CLEC3B: variants seen among roughly 807,000 people sequenced by gnomAD.
CLEC3B encodes the protein C-type lectin domain family 3 member B.
In CLEC3B, 13 loss-of-function variants were observed where a neutral mutation model predicts 15.4. That is an observed-to-expected ratio of 0.84 (90% CI 0.55 to 1.34). CLEC3B has a LOEUF of 1.34. Ranked by LOEUF, CLEC3B falls within the 40% of genes most tolerant of loss-of-function variation. CLEC3B has a pLI of 0.00. For synonymous variants in CLEC3B, 112 were observed against 114.7 expected, an observed-to-expected ratio of 0.98 and a Z score of 0.15; for missense variants, 242 against 268.6, an observed-to-expected ratio of 0.90 and a Z score of 0.69.
chr3:45,033,748 A>G (rs1394694171), intron 2 of CLEC3B, among the ~76,000 whole-genome samples: 1 of 152,228 alleles, frequency 6.6e-6, no homozygotes, highest in East Asian at 1.9e-4. Context: ...GTTGGCAGCA[A>G]TGATAGTATC....
chr3:45,029,500 T>G (rs1260747513), intron 1 of CLEC3B, among the ~76,000 whole-genome samples: 2 of 152,128 alleles, frequency 1.3e-5, no homozygotes, highest in Admixed American at 1.3e-4. Context: ...AGCCCCAAAC[T>G]CTCCCTTTTT....
intron 2 of CLEC3B, among the ~76,000 whole-genome samples, chr3:45,033,979 A>AG (rs60765920): frequency 0.5 from 76,247 of 151,990 alleles, 20,141 homozygotes; most frequent in East Asian, 0.87. Flanking sequence ...AGCTGACTTC[A>AG]GGAGCCCTGA....
At chr3:45,029,540 C>A (rs1697527070) in intron 1 of CLEC3B, among the ~76,000 whole-genome samples, 1 of 152,186 alleles carries the variant, frequency 6.6e-6, no homozygotes, top group African/African-American at 2.4e-5. Context: ...GTTTTTGCTC[C>A]AGTTTGGTAA....
rs1489986018 is a variant in CLEC3B at position 45,035,962 on chromosome 3, C to T, written c.*38C>T. On this transcript the variant is annotated 3_prime_UTR_variant, in exon 3 of 3. Transcript: ENST00000296130. ...GGGCCGTGGGGGGCCTGGAGGAGGG[C>T]AGGGGCCGCGGGAGGCCGGGAGGAG... 1 of 1,517,430 alleles carries T rather than the reference C, an allele frequency of 6.6e-7. No individual in the cohort carries two copies. The highest frequency in any genetic ancestry group is 8.8e-7 in the Non-Finnish European group (1 of 1,130,814). The allele number at this position is 1,517,430 out of a possible 1,614,324, so 94.0% of individuals were successfully genotyped here. A position where few individuals can be genotyped will look rare whatever the true frequency, so the allele number is the denominator to read the frequency against.
chr3:45,027,386 A>G (rs897418976), intron 1 of CLEC3B, among the ~76,000 whole-genome samples: 1 of 152,224 alleles, frequency 6.6e-6, no homozygotes, highest in Non-Finnish European at 1.5e-5. Context: ...ATAAAGGGAC[A>G]TCGGGGCCAT....
intron 1 of CLEC3B, among the ~76,000 whole-genome samples, chr3:45,027,870 C>T (rs1007485706): frequency 1.3e-5 from 2 of 152,104 alleles, no homozygotes; most frequent in Non-Finnish European, 2.9e-5. Context: ...AAAACCATCG[C>T]CAGCTTCTCA....
intron 2 of CLEC3B, among the ~76,000 whole-genome samples, chr3:45,034,947 A>T (rs930095641): frequency 6.6e-6 from 1 of 152,196 alleles, no homozygotes; most frequent in African/African-American, 2.4e-5. Context: ...CCTAGGCTGT[A>T]GGTGGGCAGG....
At chr3:45,027,068 G>C (rs1393042330) in intron 1 of CLEC3B, among the ~76,000 whole-genome samples, 1 of 152,244 alleles carries the variant, frequency 6.6e-6, no homozygotes, top group African/African-American at 2.4e-5. Context: ...GGGGATTGGG[G>C]TGTCCCTCGG....
intron 2 of CLEC3B, among the ~76,000 whole-genome samples, chr3:45,031,679 T>C (rs1434389295): frequency 6.6e-6 from 1 of 152,236 alleles, no homozygotes; most frequent in African/African-American, 2.4e-5. Context: ...TCATGCCCTC[T>C]GGCCAGCATA....
chr3:45,028,516 A>G lies in CLEC3B; in HGVS notation c.109+2045A>G, dbSNP rs1273148339. ...GGTTGCAATGGGCCGAGATTGCACC[A>G]CTGCACTCCAGCCTGGGTGACAGAG... On this transcript the variant is annotated intron_variant, in intron 1 of 2. Transcript: ENST00000296130. Among the ~76,000 whole-genome samples, 7 of 152,214 alleles carry G rather than the reference A, an allele frequency of 4.6e-5. No homozygotes were observed. In the South Asian group the frequency reaches 1.4e-3, roughly 32 times the overall value.
At chr3:45,028,869 C>T (rs73085698) in intron 1 of CLEC3B, among the ~76,000 whole-genome samples, 2,540 of 152,310 alleles carry the variant, frequency 0.017, 39 homozygotes, top group Non-Finnish European at 0.027. Context: ...ATGCTAAGTC[C>T]TTGTCCTGGC....
At chr3:45,029,307 G>A (rs1355373431) in intron 1 of CLEC3B, among the ~76,000 whole-genome samples, 1 of 152,204 alleles carries the variant, frequency 6.6e-6, no homozygotes, top group Non-Finnish European at 1.5e-5. Flanking sequence ...CTCTAGCCAG[G>A]GCAAGGCTTA....
rs1350797247 is a variant in CLEC3B, at chr3:45,035,666, G to C, written c.351G>C (p.Leu117=). 6.2e-7 allele frequency: 1 copy of C among 1,613,618 alleles called. No homozygotes were observed. Among genetic ancestry groups the C allele is most frequent in the African/African-American group, 1.3e-5 (1 of 74,954 alleles). ...AGACTGGCTCGGAGAACGACGCCCT[G>C]TATGAGTACCTGCGCCAGAGCGTGG... The part of the protein sequence containing the change: ...TPQTGSENDA[L]YEYLRQSVGN... Residue 117 remains leucine (L), a synonymous_variant, in exon 3 of 3, where the codon CTG becomes CTC. Coordinates refer to ENST00000296130, the MANE Select transcript of CLEC3B (RefSeq NM_003278.3).
At chr3:45,028,871 T>C (rs1389391916) in intron 1 of CLEC3B, among the ~76,000 whole-genome samples, 1 of 152,180 alleles carries the variant, frequency 6.6e-6, no homozygotes, top group East Asian at 1.9e-4. Flanking sequence ...GCTAAGTCCT[T>C]GTCCTGGCCC....
chr3:45,033,372 G>A (rs1174458742), intron 2 of CLEC3B, among the ~76,000 whole-genome samples: 1 of 152,180 alleles, frequency 6.6e-6, no homozygotes, highest in East Asian at 1.9e-4. Flanking sequence ...GCCTTCTCCT[G>A]TTCATTGTCC....
intron 1 of CLEC3B, 42 bp downstream of exon 1, chr3:45,026,513 A>T (rs754077114): frequency 1.9e-6 from 3 of 1,544,268 alleles, no homozygotes; most frequent in Non-Finnish European, 2.7e-6. Context: ...TCCAGGGAGC[A>T]GGTCCCCCTC....
chr3:45,028,486 G>A (rs966228949), intron 1 of CLEC3B, among the ~76,000 whole-genome samples: 5 of 152,232 alleles, frequency 3.3e-5, no homozygotes, highest in African/African-American at 1.2e-4. Flanking sequence ...AACCTGGGAG[G>A]TGGAGGTTGC....
intron 2 of CLEC3B, among the ~76,000 whole-genome samples, chr3:45,033,239 C>CT (rs1267145923): frequency 4.6e-5 from 7 of 152,174 alleles, no homozygotes; most frequent in African/African-American, 1.7e-4. Context: ...CAACTGCCAC[C>CT]TGGGGTGAGG....
chr3:45,035,107 C>CG (rs1056431239), intron 2 of CLEC3B, among the ~76,000 whole-genome samples: 3 of 151,996 alleles, frequency 2.0e-5, no homozygotes, highest in Non-Finnish European at 2.9e-5. Flanking sequence ...CATGTGGGGG[C>CG]GGGGGGAAGA....
Sources: gnomAD v4.1 joint callset for allele counts (sites outside exome capture counted in the v4.1 genomes callset) on GRCh38, gnomAD v4.1.1 for gene constraint, MANE v1.5 for transcripts, NCBI Gene and HGNC (gene_info 2026-07-23, HGNC 2026-07-21) for gene names.